The following ZNF565 variants were observed in gnomAD, a reference collection of about 807,000 sequenced individuals.
ZNF565 encodes zinc finger protein 565.
A neutral mutation model predicts 39.4 loss-of-function variants in ZNF565; 27 were observed. The ratio of observed to expected loss-of-function variants is 0.69; its 90% confidence interval spans 0.51 to 0.95. The LOEUF (loss-of-function observed/expected upper bound fraction) is 0.95. Among genes scored for constraint, ZNF565 ranks in the 40% least tolerant of loss-of-function variants. ZNF565 has a pLI of 0.00. For missense variants in ZNF565, 524 were observed against 621.1 expected (o/e 0.84, Z 1.66); for synonymous variants, 185 against 216.6 (o/e 0.85, Z 1.28).
chr19:36,183,010 T>C lies in ZNF565; in HGVS notation c.956A>G (p.His319Arg). Reference sequence around the variant, plus strand: ...TCGCTGGTGTACAGTCAGCTGTGAGTGCTGTCTAAAGGCTTTCCCGCATTC... The same window carrying C: ...TCGCTGGTGTACAGTCAGCTGTGAGCGCTGTCTAAAGGCTTTCCCGCATTC... Reference protein sequence around the residue: ...CKECGKAFRQHSQLTVHQRIH... With the variant: ...CKECGKAFRQRSQLTVHQRIH... Residue 319 changes from histidine (H) to arginine (R), a missense_variant, in exon 5 of 5, where the codon CAC becomes CGC. Coordinates refer to ENST00000304116, the MANE Select transcript of ZNF565 (RefSeq NM_152477.5). The C allele has an allele frequency of 6.2e-7, 1 of 1,613,984 alleles. No homozygotes were observed. The highest frequency in any genetic ancestry group is 8.5e-7 in the Non-Finnish European group (1 of 1,179,990).
chr19:36,188,756 G>A (rs1250729215), intron 4 of ZNF565, among the ~76,000 whole-genome samples: 1 of 150,816 alleles, frequency 6.6e-6, no homozygotes, highest in Non-Finnish European at 1.5e-5. Flanking sequence ...AAAAACAGAT[G>A]AGTGAATAAA....
intron 1 of ZNF565, chr19:36,236,428 A>T: frequency 1.3e-6 from 2 of 1,571,852 alleles, no homozygotes; most frequent in Non-Finnish European, 1.7e-6. Flanking sequence ...AATGTGGGAA[A>T]GCTTCCATTC....
At position 36,245,796 on chromosome 19, in the gene ZNF565, CTT is replaced by C; in HGVS notation, c.-268_-267del. 2.2e-6 allele frequency: 1 copy of C among 455,256 alleles called. No individual in the cohort carries two copies. Among genetic ancestry groups the C allele is most frequent in the Non-Finnish European group, 3.9e-6 (1 of 256,138 alleles). The allele number at this position is 455,256 out of a possible 1,614,324, so 28.2% of individuals were successfully genotyped here. On this transcript the variant is annotated 5_prime_UTR_variant, in exon 1 of 5. Coordinates refer to the ZNF565 transcript ENST00000355114. This position sits in a 1 kb window ranked among gnomAD's most constrained non-coding sequence, Gnocchi z 4.4. ...GGAGGGCTCGGTGCCGGAGGCTACT[CTT>C]GAGTCCCGGTTCCTTCGCCCAGCTG...
intron 1 of ZNF565, among the ~76,000 whole-genome samples, chr19:36,221,547 CAAAG>C (rs1976838881): frequency 6.6e-6 from 1 of 152,116 alleles, no homozygotes; most frequent in Admixed American, 6.6e-5. Flanking sequence ...ATCAGCCTCC[CAAAG>C]TACTGGGATT....
intron 2 of ZNF565, among the ~76,000 whole-genome samples, chr19:36,197,743 T>G (rs1480938498): frequency 6.6e-6 from 1 of 152,160 alleles, no homozygotes; most frequent in African/African-American, 2.4e-5. Context: ...TTGTTGGGAA[T>G]GTAAATCAGT....
chr19:36,240,989 T>C (rs1568440216), intron 1 of ZNF565, among the ~76,000 whole-genome samples: 1 of 152,174 alleles, frequency 6.6e-6, no homozygotes, highest in Non-Finnish European at 1.5e-5. Flanking sequence ...TGGGATGACA[T>C]AACAAGAAGG....
intron 4 of ZNF565, among the ~76,000 whole-genome samples, chr19:36,191,033 G>C (rs1390288831): frequency 1.4e-5 from 2 of 145,592 alleles, no homozygotes; most frequent in Admixed American, 6.9e-5. Flanking sequence ...AACTTTTTCT[G>C]TGAAGGGCCC....
chr19:36,183,904 C>G (rs952950772), intron 4 of ZNF565, among the ~76,000 whole-genome samples, 171 bp from the exon 5 acceptor site: 3 of 151,282 alleles, frequency 2.0e-5, no homozygotes, highest in Non-Finnish European at 4.4e-5. Flanking sequence ...ATGGTGAAAC[C>G]CTGTCTCTAT....
At position 36,183,290 on chromosome 19, in the gene ZNF565, T is replaced by C. The variant is rs756935231; in HGVS notation, c.676A>G (p.Lys226Glu). The change falls in exon 5 of 5, where the codon AAG becomes GAG. Residue 226 changes from lysine to glutamate, a missense_variant. Transcript: ENST00000304116. Reference sequence around the variant, plus strand: ...CGACCAAAGGCCTTCCCACAGTCCTTACAGTCATAAGGTTTCTCACCCGTG... The same window carrying C: ...CGACCAAAGGCCTTCCCACAGTCCTCACAGTCATAAGGTTTCTCACCCGTG... ...IHTGEKPYDC[K>E]DCGKAFGRTS... is the part of the protein sequence containing the mutation. The C allele has an allele frequency of 1.2e-6, 2 of 1,614,030 alleles. No individual in the cohort carries two copies. Among genetic ancestry groups the C allele is most frequent in the Admixed American group, 3.3e-5 (2 of 59,990 alleles).
At chr19:36,184,247 C>T (rs897522479) in intron 4 of ZNF565, among the ~76,000 whole-genome samples, 1 of 151,736 alleles carries the variant, frequency 6.6e-6, no homozygotes, top group African/African-American at 2.4e-5. Flanking sequence ...AGCAAGAAGA[C>T]AAATTAAGCC....
chr19:36,189,551 A>C (rs1975448718), intron 4 of ZNF565, among the ~76,000 whole-genome samples: 1 of 151,104 alleles, frequency 6.6e-6, no homozygotes, highest in Non-Finnish European at 1.5e-5. Flanking sequence ...GGAACTCCTG[A>C]TCTCAGGTGA....
rs1389827396 is a variant in ZNF565, at chr19:36,182,725, G to T, written c.1241C>A (p.Thr414Lys). ...SYLIQHQRIH[T>K]GDKPYECKEC... ...CTTACATTCGTAGGGTTTGTCACCTGTATGAATTCTTTGATGTTGAATGAG... is the reference window on the plus strand; with the variant it reads ...CTTACATTCGTAGGGTTTGTCACCTTTATGAATTCTTTGATGTTGAATGAG... The change falls in exon 5 of 5, where the codon ACA becomes AAA. Residue 414 changes from threonine to lysine, a missense_variant. Thr to Lys is a moderately conservative substitution (Grantham distance 78). Transcript: ENST00000304116. 1 of 1,614,026 alleles carries T rather than the reference G, an allele frequency of 6.2e-7. No homozygotes were observed. The highest frequency in any genetic ancestry group is 8.5e-7 in the Non-Finnish European group (1 of 1,180,036).
chr19:36,204,343 T>A (rs1029706932), intron 1 of ZNF565, among the ~76,000 whole-genome samples: 45 of 152,274 alleles, frequency 3.0e-4, no homozygotes, highest in African/African-American at 1.1e-3. Context: ...CAGGGAAGTT[T>A]AATAGGCAGA....
At chr19:36,196,405 C>T (rs1423368433) in intron 2 of ZNF565, among the ~76,000 whole-genome samples, 2 of 152,102 alleles carry the variant, frequency 1.3e-5, no homozygotes, top group Non-Finnish European at 2.9e-5. Flanking sequence ...AAGAAGGGTA[C>T]TGGAGGAAGG....
At chr19:36,190,240 A>G (rs1458949725) in intron 4 of ZNF565, among the ~76,000 whole-genome samples, 1 of 152,148 alleles carries the variant, frequency 6.6e-6, no homozygotes, top group Non-Finnish European at 1.5e-5. Context: ...TTATTCCTGG[A>G]ACCTATGAAT....
upstream of ZNF565, chr19:36,214,950 A>T (rs1352002738): frequency 6.5e-6 from 1 of 152,738 alleles, no homozygotes; most frequent in African/African-American, 2.4e-5. Context: ...GAGGAGACAG[A>T]GAGTCGACCA....
At chr19:36,223,814 A>G (rs1976963154) in intron 1 of ZNF565, among the ~76,000 whole-genome samples, 1 of 151,856 alleles carries the variant, frequency 6.6e-6, no homozygotes, top group South Asian at 2.1e-4. Flanking sequence ...TGGCGTGATC[A>G]CAGCTGACTG....
rs942337070 is a variant in ZNF565, at chr19:36,245,341, G to A, written c.55+135C>T. 8 of 653,094 alleles carry A rather than the reference G, an allele frequency of 1.2e-5. No homozygotes were observed. In the African/African-American group the frequency reaches 1.4e-4, roughly 12 times the overall value. The allele number at this position is 653,094 out of a possible 1,614,324, so 40.5% of individuals were successfully genotyped here. ...AGTTCTAAGCCGAGGGGCTGCTGCC[G>A]GACATTCTAGGGTCTGATCTGGCGG... is the stretch of plus-strand genomic sequence containing the variant. On this transcript the variant is annotated intron_variant, in intron 1 of 4. Coordinates refer to the ZNF565 transcript ENST00000355114. The surrounding 1 kb of genome is among the most constrained non-coding windows in gnomAD (Gnocchi z 4.4).
At position 36,233,922 on chromosome 19, in the gene ZNF565, G is replaced by A. The variant is rs367986069; in HGVS notation, c.55+11554C>T. 9.1e-4 allele frequency among the ~76,000 whole-genome samples: 138 copies of A among 152,270 alleles called. No individual in the cohort carries two copies. In the East Asian group the frequency reaches 0.018, roughly 19 times the overall value. On this transcript the variant is annotated intron_variant, in intron 1 of 4. Coordinates refer to the ZNF565 transcript ENST00000355114. ...TCAGCACAGACCCTTTACGGGTGTC[G>A]GACTGGGGGACGGTCAGGTCTTTCC...
Sources: gnomAD v4.1 joint callset for allele counts (sites outside exome capture counted in the v4.1 genomes callset) on GRCh38, gnomAD v4.1.1 for gene constraint, Gnocchi (gnomAD v3.1) non-coding constraint, MANE v1.5 for transcripts, NCBI Gene and HGNC (gene_info 2026-07-23, HGNC 2026-07-21) for gene names.